Variants in HEMK2 observed in about 807,000 individuals in gnomAD.
HEMK2 encodes methyltransferase HEMK2.
the HEMK2 span, among the ~76,000 whole-genome samples, chr21:28,802,656 A>G: frequency 6.6e-6 from 1 of 152,208 alleles, no homozygotes; most frequent in Non-Finnish European, 1.5e-5. Context: ...ACTTGAACCC[A>G]GGAAGGGGAA....
chr21:28,818,010 T>A, the HEMK2 span, among the ~76,000 whole-genome samples: 1 of 152,178 alleles, frequency 6.6e-6, no homozygotes, highest in African/African-American at 2.4e-5. Flanking sequence ...AGTGTCAACT[T>A]AACAGGATTG....
At chr21:28,860,032 A>T in the HEMK2 span, among the ~76,000 whole-genome samples, 1 of 152,180 alleles carries the variant, frequency 6.6e-6, no homozygotes, top group South Asian at 2.1e-4. Flanking sequence ...ACATGTGTAT[A>T]GGCTCAAGTT....
the HEMK2 span, among the ~76,000 whole-genome samples, chr21:28,624,798 A>G: frequency 6.6e-6 from 1 of 152,190 alleles, no homozygotes; most frequent in African/African-American, 2.4e-5. Flanking sequence ...CAAACAAGGT[A>G]GCCTGTCTAC....
chr21:28,846,710 T>A, the HEMK2 span, among the ~76,000 whole-genome samples: 1 of 152,112 alleles, frequency 6.6e-6, no homozygotes, highest in Non-Finnish European at 1.5e-5. Flanking sequence ...TTGCAGGAGT[T>A]TGGTATACAG....
chr21:28,815,146 C>T, the HEMK2 span, among the ~76,000 whole-genome samples: 4 of 149,122 alleles, frequency 2.7e-5, no homozygotes, highest in Admixed American at 6.8e-5. Context: ...AACCACACAC[C>T]GCATGTTCTC....
the HEMK2 span, chr21:28,577,333 C>T: frequency 1.2e-4 from 18 of 152,248 alleles, no homozygotes; most frequent in African/African-American, 4.1e-4. Flanking sequence ...CCTTGGTCTT[C>T]CCATTGTTCA....
At chr21:28,611,445 A>G in the HEMK2 span, among the ~76,000 whole-genome samples, 1 of 152,212 alleles carries the variant, frequency 6.6e-6, no homozygotes, top group Admixed American at 6.5e-5. Context: ...ATTCAAGGCT[A>G]CTATGGACAT....
the HEMK2 span, among the ~76,000 whole-genome samples, chr21:28,664,606 A>AT: frequency 2.7e-3 from 403 of 152,064 alleles, 3 homozygotes; most frequent in African/African-American, 9.1e-3. Flanking sequence ...CCTTTTAAAA[A>AT]ATATATATAT....
the HEMK2 span, among the ~76,000 whole-genome samples, chr21:28,815,333 C>G: frequency 6.6e-6 from 1 of 151,556 alleles, no homozygotes; most frequent in Non-Finnish European, 1.5e-5. Context: ...ATGCAACAAA[C>G]CTGCACGTTG....
the HEMK2 span, among the ~76,000 whole-genome samples, chr21:28,721,534 A>G: frequency 2.3e-3 from 347 of 152,238 alleles, no homozygotes; most frequent in African/African-American, 6.7e-3. Flanking sequence ...AAAACGTTAC[A>G]TGGCTTATAT....
At chr21:28,831,686 G>GAAAGAAA in the HEMK2 span, among the ~76,000 whole-genome samples, 13 of 45,736 alleles carry the variant, frequency 2.8e-4, no homozygotes, top group Admixed American at 4.8e-4. Flanking sequence ...AAAGAAAGAA[G>GAAAGAAA]GAAGGAAGGA....
chr21:28,640,354 G>C, the HEMK2 span, among the ~76,000 whole-genome samples: 1 of 152,182 alleles, frequency 6.6e-6, no homozygotes, highest in African/African-American at 2.4e-5. Flanking sequence ...CCATCTAAGA[G>C]TCCTTCAAAA....
the HEMK2 span, among the ~76,000 whole-genome samples, chr21:28,595,763 T>C: frequency 1.3e-5 from 2 of 149,000 alleles, no homozygotes; most frequent in Non-Finnish European, 3.0e-5. Flanking sequence ...ACAGTTCTTA[T>C]TTTATTTTAC....
chr21:28,783,197 T>A, the HEMK2 span, among the ~76,000 whole-genome samples: 1 of 152,200 alleles, frequency 6.6e-6, no homozygotes, highest in African/African-American at 2.4e-5. Context: ...AAGAATTTTT[T>A]TTTTTTAAAC....
the HEMK2 span, among the ~76,000 whole-genome samples, chr21:28,782,756 T>C: frequency 3.6e-4 from 55 of 152,300 alleles, no homozygotes; most frequent in African/African-American, 1.3e-3. Context: ...GTAGAAATGA[T>C]TGTGCTGATG....
At chr21:28,649,487 CAAAT>C in the HEMK2 span, among the ~76,000 whole-genome samples, 22 of 152,148 alleles carry the variant, frequency 1.4e-4, no homozygotes, top group African/African-American at 5.3e-4. Context: ...AAAGAGGTAA[CAAAT>C]AAGACAAAGT....
At chr21:28,597,823 G>A in the HEMK2 span, among the ~76,000 whole-genome samples, 4 of 152,122 alleles carry the variant, frequency 2.6e-5, no homozygotes, top group Non-Finnish European at 5.9e-5. Context: ...AGGTGAAATT[G>A]CAAATCCTAT....
chr21:28,678,241 A>G, the HEMK2 span, among the ~76,000 whole-genome samples: 1 of 152,242 alleles, frequency 6.6e-6, no homozygotes, highest in Non-Finnish European at 1.5e-5. Flanking sequence ...GAACTACATG[A>G]TGAATGCATA....
chr21:28,589,803 G>T, the HEMK2 span, among the ~76,000 whole-genome samples: 4 of 152,062 alleles, frequency 2.6e-5, no homozygotes, highest in Admixed American at 2.6e-4. Flanking sequence ...TCAAAATCCA[G>T]AATGTTCCAA....
Sources: allele counts gnomAD v4.1 joint callset (sites outside exome capture counted in the v4.1 genomes callset), GRCh38; gene constraint gnomAD v4.1.1; transcripts MANE v1.5; gene names NCBI Gene and HGNC (gene_info 2026-07-23, HGNC 2026-07-21).